The following KHDRBS2 variants were observed in gnomAD, a reference collection of about 807,000 sequenced individuals.
KHDRBS2 encodes the protein KH RNA binding domain containing, signal transduction associated 2, also known as KH domain-containing, RNA-binding, signal transduction-associated protein 2.
In KHDRBS2, 26 loss-of-function variants were observed where a neutral mutation model predicts 44.3. The ratio of observed to expected loss-of-function variants is 0.59; its 90% CI spans 0.43 to 0.81. KHDRBS2 has a LOEUF of 0.81. KHDRBS2 is among the 40% of genes least tolerant of loss of function. The probability of loss-of-function intolerance (pLI) is 0.00; values close to 1 mark genes in which losing one functional copy is unlikely to be tolerated. For missense variants in KHDRBS2, 476 were observed against 433.1 expected (o/e 1.10, Z -0.88); for synonymous variants, 194 against 151.1 (o/e 1.28, Z -2.08).
chr6:61,816,995 G>T (rs969311261), intron 6 of KHDRBS2: 8 of 455,712 alleles, frequency 1.8e-5, no homozygotes, highest in Admixed American at 1.2e-4. Context: ...CAAGGAAAGT[G>T]GTAATGATGG....
intron 2 of KHDRBS2, among the ~76,000 whole-genome samples, chr6:62,078,738 C>T (rs1219470372): frequency 6.6e-6 from 1 of 151,870 alleles, no homozygotes. Flanking sequence ...GAAAATTATA[C>T]CACAGAAAGT....
chr6:62,126,364 A>G (rs1382166308), intron 2 of KHDRBS2, among the ~76,000 whole-genome samples: 2 of 152,320 alleles, frequency 1.3e-5, no homozygotes, highest in African/African-American at 4.8e-5. Context: ...AAGGTTTCCA[A>G]TTCTAGGCCC....
chr6:61,592,260 C>T, the KHDRBS2 span, among the ~76,000 whole-genome samples: 1 of 149,778 alleles, frequency 6.7e-6, no homozygotes, highest in African/African-American at 2.5e-5. Flanking sequence ...CACACGTGTG[C>T]ATGGAAGTCA....
intron 4 of KHDRBS2, among the ~76,000 whole-genome samples, chr6:61,943,018 G>C (rs1812456444): frequency 7.7e-6 from 1 of 130,632 alleles, no homozygotes; most frequent in African/African-American, 2.9e-5. Flanking sequence ...GAGAGAGAGA[G>C]AAAGGAAGGA....
chr6:61,644,013 A>C, the KHDRBS2 span, among the ~76,000 whole-genome samples: 308 of 152,300 alleles, frequency 2.0e-3, 2 homozygotes, highest in African/African-American at 6.9e-3. Context: ...CATAAGCAAA[A>C]AGAACAAAGC....
At position 61,917,281 on chromosome 6, in the gene KHDRBS2, G is replaced by C. The variant is rs9453534; in HGVS notation, c.484-15910C>G. On this transcript the variant is annotated intron_variant, in intron 4 of 8. Transcript: ENST00000281156. Reference sequence around the variant, plus strand: ...TTCAGCAATAAAAATAAATGAGTTTGTATGAAGCCAAGGAAAGAAATGGAA... The same window carrying C: ...TTCAGCAATAAAAATAAATGAGTTTCTATGAAGCCAAGGAAAGAAATGGAA... Among the ~76,000 whole-genome samples the C allele has an allele frequency of 8.7e-3, 1,328 of 151,884 alleles. 16 individuals carry two copies. Among genetic ancestry groups the C allele is most frequent in the African/African-American group, 0.03 (1,265 of 41,482 alleles).
intron 4 of KHDRBS2, among the ~76,000 whole-genome samples, chr6:61,903,773 T>C (rs1395049378): frequency 6.6e-5 from 10 of 152,142 alleles, no homozygotes; most frequent in Non-Finnish European, 1.3e-4. Context: ...GAAACCCTTA[T>C]GCCACCTGGT....
intron 3 of KHDRBS2, among the ~76,000 whole-genome samples, chr6:62,039,021 T>A (rs2127298127): frequency 6.6e-6 from 1 of 152,182 alleles, no homozygotes; most frequent in Middle Eastern, 3.4e-3. Flanking sequence ...CAGTAACTTA[T>A]TAATGTGGGT....
chr6:61,823,350 C>A (rs556581871), intron 6 of KHDRBS2, among the ~76,000 whole-genome samples: 2 of 152,036 alleles, frequency 1.3e-5, no homozygotes, highest in Admixed American at 6.6e-5. Flanking sequence ...AAACCAAATA[C>A]ATTTTCTGAT....
intron 8 of KHDRBS2, among the ~76,000 whole-genome samples, chr6:61,684,772 A>T (rs1276099920): frequency 6.6e-6 from 1 of 151,818 alleles, no homozygotes; most frequent in Admixed American, 6.6e-5. Flanking sequence ...GGAATGGGTT[A>T]CATAATTGTG....
chr6:61,887,686 G>A (rs559280653), intron 6 of KHDRBS2, among the ~76,000 whole-genome samples: 1 of 152,300 alleles, frequency 6.6e-6, no homozygotes, highest in African/African-American at 2.4e-5. Flanking sequence ...TTGACTCATA[G>A]AGGGATTTAT....
At chr6:61,598,825 CT>C in the KHDRBS2 span, among the ~76,000 whole-genome samples, 2 of 56,500 alleles carry the variant, frequency 3.5e-5, no homozygotes, top group Non-Finnish European at 6.9e-5. Context: ...GTAGAGTGTC[CT>C]TTTTTCTTTT....
rs777757100 is a variant in KHDRBS2, at chr6:61,904,346, T to A, written c.484-2975A>T. Reference sequence around the variant, plus strand: ...TACTAACATGGAGGGGATTTCTTATTCTTATTAATATGAATATTTGACACT... The same window carrying A: ...TACTAACATGGAGGGGATTTCTTATACTTATTAATATGAATATTTGACACT... On this transcript the variant is annotated intron_variant, in intron 4 of 8. Transcript: ENST00000281156. Among the ~76,000 whole-genome samples the A allele has an allele frequency of 2.6e-5, 4 of 152,204 alleles. No homozygotes were observed. In the South Asian group the frequency reaches 8.3e-4, roughly 32 times the overall value.
At chr6:61,671,687 A>T in the KHDRBS2 span, among the ~76,000 whole-genome samples, 1 of 151,766 alleles carries the variant, frequency 6.6e-6, no homozygotes, top group African/African-American at 2.4e-5. Flanking sequence ...TTTAACTAGA[A>T]TTTTGCCAAA....
intron 6 of KHDRBS2, among the ~76,000 whole-genome samples, chr6:61,773,880 G>C (rs983110916): frequency 6.6e-6 from 1 of 150,540 alleles, no homozygotes; most frequent in East Asian, 1.9e-4. Flanking sequence ...AGTTTTCCCA[G>C]CACCATTTAT....
intron 6 of KHDRBS2, among the ~76,000 whole-genome samples, chr6:61,772,653 A>G (rs1781147159): frequency 6.6e-6 from 1 of 152,090 alleles, no homozygotes; most frequent in South Asian, 2.1e-4. Flanking sequence ...ATTTTATTTT[A>G]TTATACTTTA....
At chr6:61,855,541 C>G (rs1222123751) in intron 6 of KHDRBS2, among the ~76,000 whole-genome samples, 3 of 151,534 alleles carry the variant, frequency 2.0e-5, no homozygotes, top group Non-Finnish European at 4.4e-5. Context: ...AACTACATCT[C>G]TTTGGTACAT....
the KHDRBS2 span, among the ~76,000 whole-genome samples, chr6:61,578,941 C>T: frequency 6.6e-6 from 1 of 152,078 alleles, no homozygotes; most frequent in East Asian, 1.9e-4. Context: ...CCTCTCTTGG[C>T]CCAGGAGGAA....
chr6:62,236,184 C>G (rs1241374160), intron 1 of KHDRBS2, among the ~76,000 whole-genome samples: 2 of 152,038 alleles, frequency 1.3e-5, no homozygotes, highest in Non-Finnish European at 2.9e-5. Context: ...ATTTAGCACT[C>G]TCTATACCTT....
Sources: allele counts gnomAD v4.1 joint callset (sites outside exome capture counted in the v4.1 genomes callset), GRCh38; gene constraint gnomAD v4.1.1; transcripts MANE v1.5; gene names NCBI Gene and HGNC (gene_info 2026-07-23, HGNC 2026-07-21).